Variants in ELP2 observed in about 807,000 individuals in gnomAD.
ELP2 encodes the protein elongator complex protein 2.
ELP2 carries 90 observed loss-of-function variants against 119.2 expected under a neutral mutation model. That is an observed-to-expected ratio of 0.75 (90% CI 0.64 to 0.90). The LOEUF is 0.90. ELP2 is among the 40% of genes least tolerant of loss of function. The pLI is 0.00. For missense variants in ELP2, 921 were observed against 967.8 expected (o/e 0.95, Z 0.64); for synonymous variants, 339 against 331.0 (o/e 1.02, Z -0.26).
intron 11 of ELP2, 70 bp downstream of exon 11, chr18:36,146,451 C>A: frequency 6.5e-7 from 1 of 1,530,932 alleles, no homozygotes; most frequent in Non-Finnish European, 9.0e-7. Flanking sequence ...TAGTATTTTG[C>A]TTATAACACT....
In ELP2 at chr18:36,144,927, C is replaced by T. The variant is rs755433624; in HGVS notation, c.797-12C>T. On this transcript the variant is annotated splice_polypyrimidine_tract_variant and intron_variant, in intron 8 of 21. Transcript: ENST00000358232. ...CTTTGAGGAAATAATACCTTCATTG[C>T]TTTTGTTATAGGTGTTAAAATAGCA... The T allele has an allele frequency of 6.2e-7, 1 of 1,601,278 alleles. No homozygotes were observed. Among genetic ancestry groups the T allele is most frequent in the South Asian group, 1.1e-5 (1 of 90,850 alleles).
intron 12 of ELP2, among the ~76,000 whole-genome samples, chr18:36,155,223 G>C (rs1369586869): frequency 2.0e-5 from 3 of 148,620 alleles, no homozygotes; most frequent in Non-Finnish European, 4.4e-5. Context: ...ATGTTGGCCA[G>C]ACTGGTCTCG....
chr18:36,167,870 G>A lies in ELP2; in HGVS notation c.2076+648G>A, dbSNP rs558427083. Among the ~76,000 whole-genome samples, 91 of 151,468 alleles carry A rather than the reference G, an allele frequency of 6.0e-4. No homozygotes were observed. The South Asian group carries it at 0.018, about 30-fold the overall frequency. ...AATGTTTTTATTGTGTAGAGATGGG[G>A]TCTTGCCATGTTGCCAGGCTGGTCC... On this transcript the variant is annotated intron_variant, in intron 19 of 21. Coordinates refer to ENST00000358232, the MANE Select transcript of ELP2 (RefSeq NM_018255.4).
At chr18:36,172,383 A>G (rs1039467615) in intron 21 of ELP2, among the ~76,000 whole-genome samples, 3 of 152,244 alleles carry the variant, frequency 2.0e-5, no homozygotes, top group Non-Finnish European at 2.9e-5. Flanking sequence ...AGCAATTTCA[A>G]ATGACAATAT....
chr18:36,150,790 T>G (rs2090371845), intron 11 of ELP2, among the ~76,000 whole-genome samples: 1 of 152,208 alleles, frequency 6.6e-6, no homozygotes, highest in Non-Finnish European at 1.5e-5. Flanking sequence ...CATTCCCCAA[T>G]CAGACACAAT....
rs1434284964 is a variant in ELP2, at chr18:36,180,406, A to G, written c.*5765A>G. Reference sequence around the variant, plus strand: ...GTGCTTCATTCTGGAAGAAAGGGAGAACAACAGTAACCAGTGTGTAGGATT... The same window carrying G: ...GTGCTTCATTCTGGAAGAAAGGGAGGACAACAGTAACCAGTGTGTAGGATT... On this transcript the variant is annotated 3_prime_UTR_variant, in exon 22 of 22. Coordinates refer to ENST00000358232, the MANE Select transcript of ELP2 (RefSeq NM_018255.4). The G allele has an allele frequency of 6.6e-6, 1 of 152,174 alleles. No homozygotes were observed. Among genetic ancestry groups the G allele is most frequent in the Non-Finnish European group, 1.5e-5 (1 of 68,042 alleles). The allele number at this position is 152,174 out of a possible 1,614,324, so 9.4% of individuals were successfully genotyped here.
At chr18:36,152,149 A>G (rs923856007) in intron 11 of ELP2, among the ~76,000 whole-genome samples, 2 of 150,894 alleles carry the variant, frequency 1.3e-5, no homozygotes, top group African/African-American at 4.9e-5. Context: ...GTTAGCCGTG[A>G]TTGCATCACT....
At chr18:36,158,735 G>T in intron 13 of ELP2, 100 bp from the exon 14 acceptor site, 2 of 832,964 alleles carry the variant, frequency 2.4e-6, no homozygotes, top group South Asian at 1.5e-5. Context: ...TTATGAGCGT[G>T]ACTTTTTTGT....
In ELP2 at chr18:36,174,669, C is replaced by A; in HGVS notation, c.*28C>A. The A allele has an allele frequency of 6.2e-7, 1 of 1,605,192 alleles. No homozygotes were observed. The highest frequency in any genetic ancestry group is 1.1e-5 in the South Asian group (1 of 90,766). ...GACTTAATAACTACATGCTTGCAGT[C>A]ACTGGTATCTTAAAATATTATCATG... On this transcript the variant is annotated 3_prime_UTR_variant, in exon 22 of 22. Transcript: ENST00000358232.
rs1242543483 is a variant in ELP2 at position 36,156,547 on chromosome 18, G to A, written c.1357G>A (p.Val453Ile). ...CLAMINRFQF[V>I]SGADEKVLRV... is the part of the protein sequence containing the mutation. ...GGCAATGATTAATCGGTTTCAGTTT[G>A]TATCTGGAGCAGATGAAAAAGTTCT... The change falls in exon 13 of 22, where the codon GTA becomes ATA. Residue 453 changes from valine to isoleucine, a missense_variant. By Grantham distance (29) the Val-to-Ile change is conservative. Transcript: ENST00000358232. 1 of 1,614,104 alleles carries A rather than the reference G, an allele frequency of 6.2e-7. No individual in the cohort carries two copies. The highest frequency in any genetic ancestry group is 8.5e-7 in the Non-Finnish European group (1 of 1,180,008).
rs913569737 is a variant in ELP2, at chr18:36,145,215, T to C, written c.892+181T>C. 5.7e-5 allele frequency: 34 copies of C among 601,558 alleles called. No homozygotes were observed. The Admixed American group carries it at 7.9e-4, about 14-fold the overall frequency. The allele number at this position is 601,558 out of a possible 1,614,324, so 37.3% of individuals were successfully genotyped here. On this transcript the variant is annotated intron_variant, in intron 9 of 21. Coordinates refer to ENST00000358232, the MANE Select transcript of ELP2 (RefSeq NM_018255.4). ...GCTGGACACTCAGTTCCATTGAACA[T>C]TGAACTCCTAAGTGGGAAAAGTGTA... is the stretch of plus-strand genomic sequence containing the variant.
intron 17 of ELP2, among the ~76,000 whole-genome samples, chr18:36,162,748 G>A (rs770219746): frequency 1.3e-5 from 2 of 152,076 alleles, no homozygotes; most frequent in Admixed American, 6.6e-5. Context: ...AACTTTAACC[G>A]TTCTAGTAAG....
chr18:36,166,576 C>T (rs1350837210), intron 18 of ELP2, among the ~76,000 whole-genome samples: 1 of 152,008 alleles, frequency 6.6e-6, no homozygotes, highest in Non-Finnish European at 1.5e-5. Flanking sequence ...AGGTGATCCA[C>T]CCGCCTCTGC....
rs2091251852 is a variant in ELP2, at chr18:36,177,500, G to A, written c.*2859G>A. 1 of 152,188 alleles carries A rather than the reference G, an allele frequency of 6.6e-6. No individual in the cohort carries two copies. The highest frequency in any genetic ancestry group is 2.4e-5 in the African/African-American group (1 of 41,440). The allele number at this position is 152,188 out of a possible 1,614,324, so 9.4% of individuals were successfully genotyped here. A position where few individuals can be genotyped will look rare whatever the true frequency, so the allele number is the denominator to read the frequency against. ...GAATGGTAGTTGCCAAGGACTGGGGGAGGAGGAAATGAGGAGTTGTTTAAT... is the reference window on the plus strand; with the variant it reads ...GAATGGTAGTTGCCAAGGACTGGGGAAGGAGGAAATGAGGAGTTGTTTAAT... On this transcript the variant is annotated 3_prime_UTR_variant, in exon 22 of 22. Coordinates refer to ENST00000358232, the MANE Select transcript of ELP2 (RefSeq NM_018255.4).
chr18:36,171,333 T>C lies in ELP2; in HGVS notation c.2324+173T>C, dbSNP rs1305293921. Among the ~76,000 whole-genome samples the C allele has an allele frequency of 8.5e-5, 13 of 152,346 alleles. 1 individual carries two copies. In the Middle Eastern group the frequency reaches 0.014, roughly 159 times the overall value. ...TACATGTGGTAATCTGAAATTGATA[T>C]ATTGCACTTGATTTTTAAAAGTTTG... On this transcript the variant is annotated intron_variant, in intron 21 of 21. Transcript: ENST00000358232.
rs1374846410 is a variant in ELP2, at chr18:36,138,829, A to G, written c.480A>G (p.Gly160=). 4 of 1,613,888 alleles carry G rather than the reference A, an allele frequency of 2.5e-6. No individual in the cohort carries two copies. Among genetic ancestry groups the G allele is most frequent in the Non-Finnish European group, 2.5e-6 (3 of 1,179,910 alleles). The change falls in exon 5 of 22, where the codon GGA becomes GGG. Residue 160 remains glycine, a synonymous_variant. Transcript: ENST00000358232. ...MCLQTLNFGN[G]FALALCLSFL... ...TTCAGACTTTAAACTTTGGAAATGGATTTGCTTTGGCTCTCTGCTTATCTT... is the reference window on the plus strand; with the variant it reads ...TTCAGACTTTAAACTTTGGAAATGGGTTTGCTTTGGCTCTCTGCTTATCTT...
At chr18:36,172,266 C>G (rs370097686) in intron 21 of ELP2, among the ~76,000 whole-genome samples, 2 of 152,028 alleles carry the variant, frequency 1.3e-5, no homozygotes, top group Admixed American at 1.3e-4. Flanking sequence ...CTGTCCCCCC[C>G]AAAAAAGTAT....
chr18:36,133,268 C>T lies in ELP2; in HGVS notation c.169C>T (p.His57Tyr), dbSNP rs770156126. The change falls in exon 2 of 22, where the codon CAC becomes TAC. Residue 57 changes from histidine (H) to tyrosine (Y), a missense_variant. Transcript: ENST00000358232. ...KRVVVTNLNG[H>Y]TARVNCIQWI... is the part of the protein sequence containing the mutation. Reference sequence around the variant, plus strand: ...GGTTGTTGTTACCAACTTGAATGGTCACACCGCCCGAGTCAATTGCATACA... The same window carrying T: ...GGTTGTTGTTACCAACTTGAATGGTTACACCGCCCGAGTCAATTGCATACA... 1.9e-6 allele frequency: 3 copies of T among 1,613,698 alleles called. No individual in the cohort carries two copies. Among genetic ancestry groups the T allele is most frequent in the Non-Finnish European group, 2.5e-6 (3 of 1,179,746 alleles).
At chr18:36,145,852 A>T (rs1008099563) in intron 9 of ELP2, 96 bp from the exon 10 acceptor site, 12 of 999,516 alleles carry the variant, frequency 1.2e-5, no homozygotes, top group Admixed American at 1.7e-5. Flanking sequence ...TGCAGTGAAC[A>T]TCCTTGCAGT....
Sources: gnomAD v4.1 joint callset for allele counts (sites outside exome capture counted in the v4.1 genomes callset) on GRCh38, gnomAD v4.1.1 for gene constraint, MANE v1.5 for transcripts, NCBI Gene and HGNC (gene_info 2026-07-23, HGNC 2026-07-21) for gene names.